The following SANBR variants were observed in gnomAD, a reference collection of about 807,000 sequenced individuals.
SANBR encodes SANT and BTB domain regulator of class switch recombination.
In SANBR, 77 loss-of-function variants were observed where a neutral mutation model predicts 101.8. The ratio of observed to expected loss-of-function variants is 0.76; its 90% confidence interval spans 0.63 to 0.91. The LOEUF is 0.91. Among genes scored for constraint, SANBR ranks in the 40% least tolerant of loss-of-function variants. The pLI is 0.00. For synonymous variants in SANBR, 279 were observed against 274.7 expected, an observed-to-expected ratio of 1.02 and a Z score of -0.15; for missense variants, 875 against 853.0, an observed-to-expected ratio of 1.03 and a Z score of -0.32.
intron 10 of SANBR, among the ~76,000 whole-genome samples, chr2:61,090,264 CTT>C (rs1412859085): frequency 1.3e-5 from 2 of 151,928 alleles, no homozygotes; most frequent in African/African-American, 4.8e-5. Flanking sequence ...TTTTAATTTT[CTT>C]TTTGTTGTTC....
chr2:61,096,123 C>T lies in SANBR; in HGVS notation c.1213-1577C>T, dbSNP rs114881285. 8.0e-3 allele frequency among the ~76,000 whole-genome samples: 1,212 copies of T among 152,196 alleles called. 17 individuals are homozygous for T. The highest frequency in any genetic ancestry group is 0.027 in the African/African-American group (1,138 of 41,492). On this transcript the variant is annotated intron_variant, in intron 11 of 21. Coordinates refer to ENST00000402291, the MANE Select transcript of SANBR (RefSeq NM_001129993.3). ...ATGGAATTGCCCTCCCAATGGCTCC[C>T]GCAACCATGACACAAAAACCCAACA... is the stretch of plus-strand genomic sequence containing the variant.
chr2:61,071,196 A>G lies in SANBR; in HGVS notation c.151-410A>G, dbSNP rs569421310. ...GGTTAATATTTGCTTACAAAAAGTA[A>G]TTGTTGAAAAATATCTTCAAATAGA... On this transcript the variant is annotated intron_variant, in intron 3 of 21. Coordinates refer to ENST00000402291, the MANE Select transcript of SANBR (RefSeq NM_001129993.3). 9.8e-5 allele frequency among the ~76,000 whole-genome samples: 15 copies of G among 152,324 alleles called. No homozygotes were observed. The South Asian group carries it at 3.1e-3, about 32-fold the overall frequency.
intron 20 of SANBR, chr2:61,134,115 GTTA>G (rs749011679): frequency 1.9e-6 from 3 of 1,613,908 alleles, no homozygotes. Context: ...ATAGGGTAGT[GTTA>G]TTATCTGCTT....
In SANBR at chr2:61,115,980, GA is replaced by G. The variant is rs1247673930; in HGVS notation, c.1751del (p.Lys584ArgfsTer40). ...ATAACATTGTCTTCTCATTATCAGG[GA>G]AAAAGGAGAAGCCAAAGAAGTTCAC... is the stretch of plus-strand genomic sequence containing the variant. ...DEEEVSKKQR[K>X]KEKPKKFTRQ... On this transcript the variant is annotated frameshift_variant and splice_region_variant, in exon 17 of 22. Coordinates refer to ENST00000402291, the MANE Select transcript of SANBR (RefSeq NM_001129993.3). LOFTEE classifies it high-confidence loss of function. The G allele has an allele frequency of 6.2e-6, 10 of 1,601,320 alleles. No homozygotes were observed. The highest frequency in any genetic ancestry group is 3.4e-5 in the Admixed American group (2 of 58,454).
intron 13 of SANBR, among the ~76,000 whole-genome samples, chr2:61,104,676 T>C (rs1260586093): frequency 1.3e-5 from 2 of 152,300 alleles, no homozygotes; most frequent in Non-Finnish European, 2.9e-5. Flanking sequence ...CATCTCTCCA[T>C]GAGTATGAAC....
chr2:61,090,004 A>C (rs1234215777), intron 10 of SANBR, among the ~76,000 whole-genome samples: 1 of 152,000 alleles, frequency 6.6e-6, no homozygotes, highest in Non-Finnish European at 1.5e-5. Flanking sequence ...CCATCTCTAC[A>C]AAAAAATTAA....
intron 1 of SANBR, among the ~76,000 whole-genome samples, chr2:61,067,602 G>A (rs1322200208): frequency 6.6e-6 from 1 of 152,150 alleles, no homozygotes; most frequent in Non-Finnish European, 1.5e-5. Context: ...TGGGCGTGGT[G>A]GTGCGTGCCT....
chr2:61,117,999 A>T (rs1433642263), intron 19 of SANBR, 29 bp from the exon 20 acceptor site: 1 of 1,548,362 alleles, frequency 6.5e-7, no homozygotes. Flanking sequence ...CCTTATGAAA[A>T]GTAAAGTTTA....
At chr2:61,083,461 A>T in intron 8 of SANBR, 147 bp downstream of exon 8, 1 of 606,702 alleles carries the variant, frequency 1.6e-6, no homozygotes, top group Non-Finnish European at 2.8e-6. Context: ...CAGTGGTGCA[A>T]TCTTGGCTCA....
chr2:61,099,102 A>G (rs569201082), intron 12 of SANBR, among the ~76,000 whole-genome samples: 1 of 152,240 alleles, frequency 6.6e-6, no homozygotes, highest in Non-Finnish European at 1.5e-5. Context: ...AGTAAAAGAG[A>G]CTGAAAGAGC....
At position 61,088,503 on chromosome 2, in the gene SANBR, G is replaced by C. The variant is rs1370443048; in HGVS notation, c.1088+35G>C. 3 of 1,130,238 alleles carry C rather than the reference G, an allele frequency of 2.7e-6. No individual in the cohort carries two copies. The African/African-American group carries it at 4.9e-5, about 18-fold the overall frequency. 70.0% of individuals were successfully genotyped at this position (1,130,238 alleles called of 1,614,324 possible). A position where few individuals can be genotyped will look rare whatever the true frequency, so the allele number is the denominator to read the frequency against. On this transcript the variant is annotated intron_variant, in intron 10 of 21. Coordinates refer to ENST00000402291, the MANE Select transcript of SANBR (RefSeq NM_001129993.3). ...AGATAAAATACATACATGTATTTTT[G>C]TATATATATATATATAGTTGTTGTT...
At chr2:61,074,025 T>C (rs1681626106) in intron 5 of SANBR, among the ~76,000 whole-genome samples, 1 of 152,200 alleles carries the variant, frequency 6.6e-6, no homozygotes, top group South Asian at 2.1e-4. Flanking sequence ...AAACTGAATA[T>C]TGTTAAGTGT....
intron 10 of SANBR, among the ~76,000 whole-genome samples, chr2:61,090,011 T>C (rs535358576): frequency 6.6e-6 from 1 of 151,888 alleles, no homozygotes; most frequent in Admixed American, 6.6e-5. Flanking sequence ...TACAAAAAAA[T>C]TAAAAATTAG....
intron 11 of SANBR, among the ~76,000 whole-genome samples, chr2:61,095,351 G>A (rs1056578553): frequency 6.6e-6 from 1 of 152,122 alleles, no homozygotes; most frequent in Non-Finnish European, 1.5e-5. Context: ...GTATATAAGA[G>A]AACGTGCACC....
At chr2:61,069,790 C>A (rs928516617) in intron 2 of SANBR, 8 of 152,224 alleles carry the variant, frequency 5.3e-5, no homozygotes, top group Non-Finnish European at 7.3e-5. Context: ...ATATCATAAC[C>A]CTCTCCCCAC....
At position 61,083,635 on chromosome 2, in the gene SANBR, C is replaced by T. The variant is rs538602667; in HGVS notation, c.890+321C>T. Reference sequence around the variant, plus strand: ...TTGTAATCCCAGCACTTTGGGAGGCCGAGGCGGGCAGATCACGAGGTCAAG... The same window carrying T: ...TTGTAATCCCAGCACTTTGGGAGGCTGAGGCGGGCAGATCACGAGGTCAAG... On this transcript the variant is annotated intron_variant, in intron 8 of 21. Transcript: ENST00000402291. Among the ~76,000 whole-genome samples, 249 of 152,016 alleles carry T rather than the reference C, an allele frequency of 1.6e-3. 3 individuals are homozygous for T. The highest frequency in any genetic ancestry group is 5.3e-3 in the African/African-American group (218 of 41,480).
intron 13 of SANBR, among the ~76,000 whole-genome samples, chr2:61,105,118 C>T (rs555737953): frequency 4.5e-4 from 64 of 142,866 alleles, no homozygotes; most frequent in African/African-American, 1.5e-3. Context: ...TGGTGGCTCA[C>T]ACCTTTAATC....
intron 3 of SANBR, among the ~76,000 whole-genome samples, 197 bp from the exon 4 acceptor site, chr2:61,071,409 G>T (rs529884255): frequency 6.6e-6 from 1 of 152,180 alleles, no homozygotes; most frequent in East Asian, 1.9e-4. Flanking sequence ...AATTTGCTGG[G>T]CATGGTGGCA....
At chr2:61,137,144 G>C (rs1684876960) in intron 21 of SANBR, among the ~76,000 whole-genome samples, 1 of 151,966 alleles carries the variant, frequency 6.6e-6, no homozygotes, top group Non-Finnish European at 1.5e-5. Flanking sequence ...GGGGCATGGT[G>C]GTGTATGCCT....
Sources: gnomAD v4.1 joint callset for allele counts (sites outside exome capture counted in the v4.1 genomes callset) on GRCh38, gnomAD v4.1.1 for gene constraint, MANE v1.5 for transcripts, NCBI Gene and HGNC (gene_info 2026-07-23, HGNC 2026-07-21) for gene names.